Variants in NDUFAF2 observed in about 807,000 individuals in gnomAD.
The protein encoded by NDUFAF2 is NADH:ubiquinone oxidoreductase complex assembly factor 2.
In NDUFAF2, 13 loss-of-function variants were observed where a neutral mutation model predicts 22.8. The observed-to-expected ratio is 0.57, with a 90% CI of 0.37 to 0.91. The LOEUF (loss-of-function observed/expected upper bound fraction) is 0.91, where lower values mean the gene tolerates loss of function less well. NDUFAF2 is among the 40% of genes least tolerant of loss of function. The pLI is 0.01. For missense variants in NDUFAF2, 162 were observed against 195.2 expected (o/e 0.83, Z 1.01); for synonymous variants, 53 against 64.2 (o/e 0.83, Z 0.84).
chr5:61,072,185 T>C (rs1170748316), intron 1 of NDUFAF2, among the ~76,000 whole-genome samples: 2 of 152,236 alleles, frequency 1.3e-5, no homozygotes, highest in East Asian at 3.8e-4. Context: ...GGTCTCTCAA[T>C]GTGGCTCTAA....
intron 2 of NDUFAF2, among the ~76,000 whole-genome samples, chr5:61,094,883 T>C (rs1324753533): frequency 6.6e-6 from 1 of 152,066 alleles, no homozygotes; most frequent in Non-Finnish European, 1.5e-5. Flanking sequence ...CCGGCCTGAA[T>C]GCACTTGTAG....
At chr5:61,086,449 AT>A (rs1246572551) in intron 2 of NDUFAF2, among the ~76,000 whole-genome samples, 31 of 152,178 alleles carry the variant, frequency 2.0e-4, no homozygotes, top group Admixed American at 2.0e-3. Context: ...TGTAAGGATA[AT>A]TATACAATTA....
At chr5:61,088,769 G>GT (rs1752534551) in intron 2 of NDUFAF2, among the ~76,000 whole-genome samples, 1 of 152,054 alleles carries the variant, frequency 6.6e-6, no homozygotes, top group Non-Finnish European at 1.5e-5. Flanking sequence ...AGTAAAAACT[G>GT]TGGATCTCTT....
chr5:61,032,610 ATGT>A (rs1751742875), intron 1 of NDUFAF2, among the ~76,000 whole-genome samples: 3 of 151,990 alleles, frequency 2.0e-5, no homozygotes, highest in Admixed American at 2.0e-4. Context: ...CAGTACCATG[ATGT>A]TTTGGTTACT....
At chr5:61,005,728 A>C (rs565372590) in intron 1 of NDUFAF2, among the ~76,000 whole-genome samples, 1 of 152,294 alleles carries the variant, frequency 6.6e-6, no homozygotes, top group East Asian at 1.9e-4. Context: ...TGTTGGCTGC[A>C]TAAATGTCTT....
chr5:61,013,319 A>G (rs1003041856), intron 1 of NDUFAF2, among the ~76,000 whole-genome samples: 7 of 152,088 alleles, frequency 4.6e-5, no homozygotes, highest in African/African-American at 7.2e-5. Flanking sequence ...TGGAAGAGCA[A>G]TTGGAGCTTT....
chr5:61,082,148 G>A (rs369160833), intron 2 of NDUFAF2, among the ~76,000 whole-genome samples: 75 of 152,334 alleles, frequency 4.9e-4, no homozygotes, highest in African/African-American at 1.8e-3. Flanking sequence ...ATGTGCATGA[G>A]TGTAAGATTG....
Position 61,025,181 on chromosome 5 carries a change from A to G in NDUFAF2, c.128-47944A>G, listed in dbSNP as rs114982102. Among the ~76,000 whole-genome samples the G allele has an allele frequency of 1.6e-3, 250 of 152,034 alleles. 1 individual carries two copies. The highest frequency in any genetic ancestry group is 2.0e-3 in the Non-Finnish European group (139 of 67,934). On this transcript the variant is annotated intron_variant, in intron 1 of 3. Transcript: ENST00000296597. ...CAACTAAACTGCCTTCTCTGAGGTAAAGGACTGTATTCTGCACATCTCCAT... is the reference window on the plus strand; with the variant it reads ...CAACTAAACTGCCTTCTCTGAGGTAGAGGACTGTATTCTGCACATCTCCAT...
intron 2 of NDUFAF2, among the ~76,000 whole-genome samples, chr5:61,081,996 T>G (rs1344984129): frequency 6.6e-6 from 1 of 152,222 alleles, no homozygotes; most frequent in Non-Finnish European, 1.5e-5. Context: ...TTACAAATGT[T>G]TTTAGCATGT....
intron 1 of NDUFAF2, among the ~76,000 whole-genome samples, chr5:61,070,040 CTGTTT>C (rs998215120): frequency 2.6e-5 from 4 of 151,898 alleles, no homozygotes; most frequent in Non-Finnish European, 5.9e-5. Flanking sequence ...CAACTGTGTA[CTGTTT>C]TATTTAATAA....
At chr5:61,066,707 T>A (rs139014601) in intron 1 of NDUFAF2, among the ~76,000 whole-genome samples, 1 of 152,282 alleles carries the variant, frequency 6.6e-6, no homozygotes, top group East Asian at 1.9e-4. Flanking sequence ...CTTTAAATTA[T>A]CTCTAAATTA....
chr5:61,099,934 A>G (rs1216910834), intron 3 of NDUFAF2, among the ~76,000 whole-genome samples: 1 of 152,162 alleles, frequency 6.6e-6, no homozygotes, highest in African/African-American at 2.4e-5. Context: ...TGATACCTCA[A>G]CTGGCATGCT....
intron 1 of NDUFAF2, among the ~76,000 whole-genome samples, chr5:61,057,495 C>T (rs1752114098): frequency 1.3e-5 from 2 of 152,162 alleles, no homozygotes; most frequent in South Asian, 4.1e-4. Flanking sequence ...TATGTATTCA[C>T]AGATGGACTG....
At chr5:60,980,419 C>A (rs1750961346) in intron 1 of NDUFAF2, among the ~76,000 whole-genome samples, 1 of 151,972 alleles carries the variant, frequency 6.6e-6, no homozygotes, top group Non-Finnish European at 1.5e-5. Flanking sequence ...TATTCCTATT[C>A]CAGAGAAGGA....
chr5:61,057,571 G>A (rs951829987), intron 1 of NDUFAF2, among the ~76,000 whole-genome samples: 5 of 152,142 alleles, frequency 3.3e-5, no homozygotes, highest in Admixed American at 2.0e-4. Context: ...TAGAATCCTA[G>A]GAGTGTGAGG....
intron 3 of NDUFAF2, among the ~76,000 whole-genome samples, chr5:61,125,843 CTT>C (rs1561572628): frequency 6.6e-6 from 1 of 152,060 alleles, no homozygotes; most frequent in Non-Finnish European, 1.5e-5. Flanking sequence ...TCTTGGATAA[CTT>C]TAAAGCCTGG....
intron 3 of NDUFAF2, among the ~76,000 whole-genome samples, chr5:61,127,340 C>G (rs1403835858): frequency 1.3e-5 from 2 of 152,060 alleles, no homozygotes; most frequent in South Asian, 2.1e-4. Flanking sequence ...CAAAAAAAGA[C>G]AATTTTACAC....
intron 1 of NDUFAF2, among the ~76,000 whole-genome samples, chr5:60,984,152 T>C (rs1751033508): frequency 6.6e-6 from 1 of 152,218 alleles, no homozygotes; most frequent in Admixed American, 6.5e-5. Flanking sequence ...TATTTTATTC[T>C]CTTTTAAGCA....
At chr5:61,013,240 A>T (rs1751462767) in intron 1 of NDUFAF2, among the ~76,000 whole-genome samples, 1 of 152,124 alleles carries the variant, frequency 6.6e-6, no homozygotes, top group Non-Finnish European at 1.5e-5. Flanking sequence ...AATAAAAAAT[A>T]TGGTAGTACA....
Sources: gnomAD v4.1 joint callset for allele counts (sites outside exome capture counted in the v4.1 genomes callset) on GRCh38, gnomAD v4.1.1 for gene constraint, MANE v1.5 for transcripts, NCBI Gene and HGNC (gene_info 2026-07-23, HGNC 2026-07-21) for gene names.